COX7B2: variants seen among roughly 807,000 people sequenced by gnomAD.
COX7B2 encodes cytochrome c oxidase subunit 7B2, mitochondrial.
For missense variants in COX7B2, 109 were observed against 95.9 expected, an observed-to-expected ratio of 1.14 and a Z score of -0.57; for synonymous variants, 37 against 32.1, an observed-to-expected ratio of 1.15 and a Z score of -0.51.
chr4:46,870,303 C>T (rs1348729688), intron 1 of COX7B2, among the ~76,000 whole-genome samples: 2 of 147,684 alleles, frequency 1.4e-5, no homozygotes, highest in South Asian at 2.2e-4. Context: ...GTTCAAAACT[C>T]TCAACAAACT....
intron 2 of COX7B2, among the ~76,000 whole-genome samples, chr4:46,838,262 G>A (rs1167815347): frequency 6.6e-6 from 1 of 151,920 alleles, no homozygotes; most frequent in African/African-American, 2.4e-5. Context: ...AAAAAATCAT[G>A]CATGTACTAG....
intron 2 of COX7B2, among the ~76,000 whole-genome samples, chr4:46,785,519 C>A (rs1366031742): frequency 2.0e-5 from 3 of 152,036 alleles, no homozygotes; most frequent in African/African-American, 7.2e-5. Flanking sequence ...ACTACAGGCA[C>A]CCGCCACCAC....
intron 2 of COX7B2, among the ~76,000 whole-genome samples, chr4:46,775,679 C>T (rs573106197): frequency 2.4e-4 from 36 of 152,048 alleles, no homozygotes; most frequent in Non-Finnish European, 4.6e-4. Context: ...TCTTCCATTA[C>T]GTATGATGTC....
chr4:46,881,426 C>T (rs1718733818), intron 1 of COX7B2, among the ~76,000 whole-genome samples: 1 of 152,110 alleles, frequency 6.6e-6, no homozygotes, highest in Non-Finnish European at 1.5e-5. Context: ...GGATACAAAT[C>T]AGATATGCAC....
chr4:46,737,435 A>G (rs563275280), intron 2 of COX7B2, among the ~76,000 whole-genome samples: 1 of 152,082 alleles, frequency 6.6e-6, no homozygotes, highest in Non-Finnish European at 1.5e-5. Context: ...TTCTCTTCTG[A>G]TAAACTGCAA....
chr4:46,749,673 T>C (rs1429018905), intron 2 of COX7B2, among the ~76,000 whole-genome samples: 1 of 152,198 alleles, frequency 6.6e-6, no homozygotes, highest in African/African-American at 2.4e-5. Context: ...ATTATAGAAG[T>C]ATAAACCAGA....
intron 2 of COX7B2, among the ~76,000 whole-genome samples, chr4:46,777,226 A>C (rs1346316540): frequency 6.6e-6 from 1 of 152,160 alleles, no homozygotes; most frequent in Non-Finnish European, 1.5e-5. Flanking sequence ...ATTCCATGAG[A>C]TAAAAGGGGA....
At chr4:46,864,518 T>C (rs1717527426) in intron 1 of COX7B2, among the ~76,000 whole-genome samples, 1 of 152,180 alleles carries the variant, frequency 6.6e-6, no homozygotes, top group Non-Finnish European at 1.5e-5. Flanking sequence ...AATGATCGTG[T>C]GCTGTCTCAG....
intron 2 of COX7B2, among the ~76,000 whole-genome samples, chr4:46,755,916 T>C (rs1380170528): frequency 1.3e-5 from 2 of 152,112 alleles, no homozygotes; most frequent in South Asian, 2.1e-4. Context: ...AATGCAATCC[T>C]TATCAAATGA....
chr4:46,889,306 AATAAGCCTGTC>A (rs1719277097), intron 1 of COX7B2, among the ~76,000 whole-genome samples: 7 of 152,196 alleles, frequency 4.6e-5, no homozygotes, highest in Middle Eastern at 3.2e-3. Context: ...GTAGTCCTAC[AATAAGCCTGTC>A]ACCTATTCCC....
chr4:46,757,511 G>A (rs181326064), intron 2 of COX7B2, among the ~76,000 whole-genome samples: 2 of 151,894 alleles, frequency 1.3e-5, no homozygotes, highest in Non-Finnish European at 2.9e-5. Context: ...CTCTGCTAAC[G>A]CCCAAAACAC....
chr4:46,894,281 A>C (rs1719618830), intron 1 of COX7B2, among the ~76,000 whole-genome samples: 1 of 152,152 alleles, frequency 6.6e-6, no homozygotes. Context: ...ACAGGGCTAC[A>C]GTAATCAAAA....
At chr4:46,855,379 G>T (rs1221025863) in intron 1 of COX7B2, among the ~76,000 whole-genome samples, 1 of 151,962 alleles carries the variant, frequency 6.6e-6, no homozygotes, top group African/African-American at 2.4e-5. Flanking sequence ...TTATGTGCCT[G>T]TGTACTTTTC....
At chr4:46,784,379 C>A (rs57673027) in intron 2 of COX7B2, among the ~76,000 whole-genome samples, 4,932 of 152,238 alleles carry the variant, frequency 0.032, 196 homozygotes, top group African/African-American at 0.098. Flanking sequence ...GTAATCCCAG[C>A]ACTTTGAGAG....
intron 1 of COX7B2, among the ~76,000 whole-genome samples, chr4:46,858,028 T>C (rs1343184211): frequency 6.6e-6 from 1 of 152,188 alleles, no homozygotes; most frequent in Non-Finnish European, 1.5e-5. Flanking sequence ...ATAACTTTAT[T>C]ACATCCTGCC....
chr4:46,895,435 T>G (rs1719700296), intron 1 of COX7B2, among the ~76,000 whole-genome samples: 2 of 151,972 alleles, frequency 1.3e-5, no homozygotes, highest in African/African-American at 2.4e-5. Context: ...GGGAGCTAAA[T>G]GATGAGAACT....
chr4:46,763,142 T>TATATA (rs57532787), intron 2 of COX7B2, among the ~76,000 whole-genome samples: 40,318 of 117,804 alleles, frequency 0.34, 6,636 homozygotes, highest in South Asian at 0.5. Flanking sequence ...ATTGTATAAT[T>TATATA]ATATATTATA....
At chr4:46,782,557 C>T (rs185367279) in intron 2 of COX7B2, among the ~76,000 whole-genome samples, 1 of 152,160 alleles carries the variant, frequency 6.6e-6, no homozygotes, top group East Asian at 1.9e-4. Flanking sequence ...GCTGCCCAAG[C>T]GAGCAGCAGC....
intron 2 of COX7B2, among the ~76,000 whole-genome samples, chr4:46,780,871 G>T (rs1717409283): frequency 1.3e-5 from 2 of 152,012 alleles, no homozygotes; most frequent in South Asian, 4.2e-4. Flanking sequence ...TTACAACACT[G>T]CATTACTTCA....
Sources: gnomAD v4.1 joint callset for allele counts (sites outside exome capture counted in the v4.1 genomes callset) on GRCh38, gnomAD v4.1.1 for gene constraint, MANE v1.5 for transcripts, NCBI Gene and HGNC (gene_info 2026-07-23, HGNC 2026-07-21) for gene names.